The following MYO3B variants were observed in gnomAD, a reference collection of about 807,000 sequenced individuals.
MYO3B encodes the protein myosin-IIIb.
A neutral mutation model predicts 174.6 loss-of-function variants in MYO3B; 156 were observed. The ratio of observed to expected loss-of-function variants is 0.89; its 90% CI spans 0.78 to 1.02. MYO3B has a LOEUF of 1.02. Ranked by LOEUF, MYO3B falls within the 50% of genes least tolerant of loss-of-function variation. The probability of loss-of-function intolerance (pLI) is 0.00; values close to 1 mark genes in which losing one functional copy is unlikely to be tolerated. For synonymous variants in MYO3B, 563 were observed against 569.1 expected (o/e 0.99, Z 0.15); for missense variants, 1,632 against 1,639.4 (o/e 1.00, Z 0.08).
intron 1 of MYO3B, among the ~76,000 whole-genome samples, chr2:170,190,992 C>G (rs748477136): frequency 6.6e-6 from 1 of 151,964 alleles, no homozygotes; most frequent in Admixed American, 6.6e-5. Flanking sequence ...ACCCAAGGCC[C>G]GCTGCAAATA....
In MYO3B at chr2:170,372,885, A is replaced by G. The variant is rs189146473; in HGVS notation, c.971+3508A>G. On this transcript the variant is annotated intron_variant, in intron 9 of 34. Transcript: ENST00000408978. The stretch of plus-strand genomic sequence containing the variant: ...AGCAATGAGCAAAGGGCAAGGCACA[A>G]GGGCTAGAGAGAGCTTGGGGAATCT... Among the ~76,000 whole-genome samples, 7 of 152,298 alleles carry G rather than the reference A, an allele frequency of 4.6e-5. No individual in the cohort carries two copies. In the East Asian group the frequency reaches 1.4e-3, roughly 29 times the overall value.
At position 170,405,602 on chromosome 2, in the gene MYO3B, T is replaced by G; in HGVS notation, c.2489T>G (p.Leu830Arg). ...TTCTGGAGGCCCAAAGGAGTGGAAC[T>G]GTGCTTTGGCATTCAGCATTATGCT... Reference protein sequence around the residue: ...KYFWRPKGVELCFGIQHYAGK... With the variant: ...KYFWRPKGVERCFGIQHYAGK... The change falls in exon 21 of 35, where the codon CTG (leucine) becomes CGG (arginine). Residue 830 changes from leucine (L) to arginine (R), a missense_variant. Transcript: ENST00000408978. 1 of 1,614,206 alleles carries G rather than the reference T, an allele frequency of 6.2e-7. No homozygotes were observed. Among genetic ancestry groups the G allele is most frequent in the Non-Finnish European group, 8.5e-7 (1 of 1,180,016 alleles).
chr2:170,347,117 A>G (rs953415447), intron 8 of MYO3B, among the ~76,000 whole-genome samples: 1 of 152,258 alleles, frequency 6.6e-6, no homozygotes, highest in Non-Finnish European at 1.5e-5. Flanking sequence ...TAAAAGTAGT[A>G]GAATAAATTT....
At chr2:170,447,392 A>G (rs1333203632) in intron 23 of MYO3B, among the ~76,000 whole-genome samples, 3 of 152,196 alleles carry the variant, frequency 2.0e-5, no homozygotes, top group African/African-American at 7.2e-5. Flanking sequence ...GGCTTTGTCA[A>G]GAAGATAATA....
At chr2:170,255,726 C>T (rs142271773) in intron 7 of MYO3B, among the ~76,000 whole-genome samples, 1,737 of 152,284 alleles carry the variant, frequency 0.011, 7 homozygotes, top group Middle Eastern at 0.024. Flanking sequence ...CAAAGAGCTC[C>T]GGCAATTCAA....
At chr2:170,241,812 T>A (rs1188720580) in intron 7 of MYO3B, among the ~76,000 whole-genome samples, 1 of 152,108 alleles carries the variant, frequency 6.6e-6, no homozygotes, top group Admixed American at 6.5e-5. Context: ...TAAATTTTTA[T>A]CTTACATAGG....
chr2:170,587,318 A>G (rs1479328322), intron 32 of MYO3B, among the ~76,000 whole-genome samples: 1 of 152,188 alleles, frequency 6.6e-6, no homozygotes, highest in African/African-American at 2.4e-5. Flanking sequence ...TCTTGATTGC[A>G]TCATTTTCTC....
At chr2:170,479,683 CAT>C in intron 25 of MYO3B, among the ~76,000 whole-genome samples, 2 of 145,804 alleles carry the variant, frequency 1.4e-5, no homozygotes, top group South Asian at 4.4e-4. Flanking sequence ...CATATATAAA[CAT>C]ATAGGTATTA....
At chr2:170,429,880 T>C (rs2094694724) in intron 22 of MYO3B, among the ~76,000 whole-genome samples, 1 of 152,226 alleles carries the variant, frequency 6.6e-6, no homozygotes, top group Non-Finnish European at 1.5e-5. Context: ...TCGCAATGAA[T>C]TGTTTATATG....
intron 8 of MYO3B, among the ~76,000 whole-genome samples, chr2:170,363,464 T>C (rs1423200540): frequency 6.6e-6 from 1 of 152,172 alleles, no homozygotes; most frequent in Non-Finnish European, 1.5e-5. Context: ...AGTAGCTGTG[T>C]CACGACAGCA....
chr2:170,452,682 A>G (rs1683664888), intron 23 of MYO3B, among the ~76,000 whole-genome samples: 1 of 152,242 alleles, frequency 6.6e-6, no homozygotes, highest in South Asian at 2.1e-4. Flanking sequence ...AACTAAGGTT[A>G]TAACTTAACC....
intron 32 of MYO3B, among the ~76,000 whole-genome samples, chr2:170,590,974 C>T (rs758732723): frequency 6.6e-6 from 1 of 152,096 alleles, no homozygotes; most frequent in Non-Finnish European, 1.5e-5. Flanking sequence ...TATTCAGAGG[C>T]CACAGACTTC....
intron 7 of MYO3B, among the ~76,000 whole-genome samples, chr2:170,304,188 T>A (rs2093684581): frequency 1.3e-5 from 2 of 152,188 alleles, no homozygotes; most frequent in Admixed American, 1.3e-4. Flanking sequence ...ATTTTTAATA[T>A]TGACACATAT....
rs370444141 is a variant in MYO3B, at chr2:170,392,489, G to A, written c.1785G>A (p.Thr595=). 3.1e-5 allele frequency: 48 copies of A among 1,543,992 alleles called. No individual in the cohort carries two copies. The highest frequency in any genetic ancestry group is 2.2e-4 in the African/African-American group (16 of 73,174). The part of the protein sequence containing the change: ...IQHCFRIIGF[T]DKEVHSVYRI... ...ATTGCTTCAGGATTATAGGGTTCAC[G>A]GACAAAGTAAGTGATGATCAAGAGA... The change falls in exon 16 of 35, where the codon ACG becomes ACA. Residue 595 remains threonine, a synonymous_variant. Coordinates refer to ENST00000408978, the MANE Select transcript of MYO3B (RefSeq NM_138995.5).
chr2:170,573,632 T>A (rs1692597352), intron 32 of MYO3B, among the ~76,000 whole-genome samples: 1 of 152,164 alleles, frequency 6.6e-6, no homozygotes, highest in Non-Finnish European at 1.5e-5. Flanking sequence ...TTTTGTACCA[T>A]TATTAAATAA....
intron 5 of MYO3B, among the ~76,000 whole-genome samples, chr2:170,215,559 G>A (rs1296827152): frequency 1.3e-5 from 2 of 151,752 alleles, no homozygotes; most frequent in African/African-American, 4.9e-5. Flanking sequence ...CACTTTAAAC[G>A]TGTTTTTTTA....
intron 9 of MYO3B, among the ~76,000 whole-genome samples, chr2:170,370,472 C>A (rs12471833): frequency 0.2 from 29,634 of 151,864 alleles, 3,114 homozygotes; most frequent in Middle Eastern, 0.3. Context: ...GTTTCTATGG[C>A]CTCCCTACAG....
intron 7 of MYO3B, among the ~76,000 whole-genome samples, chr2:170,277,784 C>T (rs1056168323): frequency 2.6e-5 from 4 of 152,144 alleles, no homozygotes; most frequent in African/African-American, 9.6e-5. Context: ...GTACCACTGT[C>T]ACCAGTTTGC....
At chr2:170,513,750 T>C (rs1365185925) in intron 28 of MYO3B, among the ~76,000 whole-genome samples, 1 of 152,180 alleles carries the variant, frequency 6.6e-6, no homozygotes, top group Non-Finnish European at 1.5e-5. Context: ...GTCTCTTTAA[T>C]TTACTTTGAG....
Sources: gnomAD v4.1 joint callset for allele counts (sites outside exome capture counted in the v4.1 genomes callset) on GRCh38, gnomAD v4.1.1 for gene constraint, MANE v1.5 for transcripts, NCBI Gene and HGNC (gene_info 2026-07-23, HGNC 2026-07-21) for gene names.